The following ECD variants were observed in gnomAD, a reference collection of about 807,000 sequenced individuals.
ECD encodes the protein ecdysoneless cell cycle regulator.
In ECD, 59 loss-of-function variants were observed where a neutral mutation model predicts 77.2. The ratio of observed to expected loss-of-function variants is 0.76; its 90% CI spans 0.62 to 0.95. ECD has a LOEUF of 0.95. Among genes scored for constraint, ECD ranks in the 40% least tolerant of loss-of-function variants. The pLI is 0.00. For missense variants in ECD, 704 were observed against 763.4 expected (o/e 0.92, Z 0.92); for synonymous variants, 233 against 267.4 (o/e 0.87, Z 1.26).
chr10:73,143,832 C>CTTTTT (rs541608935), intron 9 of ECD, among the ~76,000 whole-genome samples: 73 of 106,742 alleles, frequency 6.8e-4, no homozygotes, highest in African/African-American at 7.3e-4. Flanking sequence ...TTATAACTTG[C>CTTTTT]TTTTTTTTTT....
intron 9 of ECD, among the ~76,000 whole-genome samples, chr10:73,144,420 G>A (rs1391882350): frequency 1.3e-5 from 2 of 152,036 alleles, no homozygotes; most frequent in Non-Finnish European, 2.9e-5. Flanking sequence ...AACCCAGGAG[G>A]TCAAGATTGC....
intron 5 of ECD, among the ~76,000 whole-genome samples, chr10:73,154,706 G>A (rs915843204): frequency 4.6e-5 from 7 of 152,008 alleles, no homozygotes; most frequent in East Asian, 1.9e-4. Flanking sequence ...AGGCTGAGGC[G>A]GGTGGATCAC....
chr10:73,156,092 A>T (rs556552440), intron 5 of ECD, among the ~76,000 whole-genome samples, 183 bp downstream of exon 5: 82 of 152,296 alleles, frequency 5.4e-4, no homozygotes, highest in Admixed American at 5.2e-4. Context: ...AGTCTATTTC[A>T]TAAAGAGGAA....
chr10:73,167,336 T>C (rs2133281431), intron 1 of ECD, among the ~76,000 whole-genome samples: 1 of 152,330 alleles, frequency 6.6e-6, no homozygotes, highest in African/African-American at 2.4e-5. Flanking sequence ...CTGTGAAGAA[T>C]GTCACTGGTA....
chr10:73,135,153 A>C (rs1349647894), intron 13 of ECD, among the ~76,000 whole-genome samples: 1 of 152,212 alleles, frequency 6.6e-6, no homozygotes, highest in Non-Finnish European at 1.5e-5. Context: ...ACAAACATAA[A>C]AGTGAATATT....
intron 6 of ECD, among the ~76,000 whole-genome samples, chr10:73,152,845 G>T (rs904808696): frequency 6.6e-6 from 1 of 151,478 alleles, no homozygotes; most frequent in Non-Finnish European, 1.5e-5. Context: ...CCGGGAGGTG[G>T]AGGAAGTTGC....
At chr10:73,156,475 T>C (rs1302197811) in intron 4 of ECD, 22 bp from the exon 5 acceptor site, 4 of 1,608,838 alleles carry the variant, frequency 2.5e-6, no homozygotes, top group Non-Finnish European at 8.5e-7. Context: ...ACATTTCAAT[T>C]TTCACAGTGG....
intron 2 of ECD, among the ~76,000 whole-genome samples, chr10:73,161,448 T>C (rs536917518): frequency 1.3e-5 from 2 of 152,160 alleles, no homozygotes; most frequent in Admixed American, 1.3e-4. Flanking sequence ...GTAAGTTGGA[T>C]AACCTATAAG....
chr10:73,150,131 A>C (rs1843183849), intron 7 of ECD, among the ~76,000 whole-genome samples: 2 of 152,232 alleles, frequency 1.3e-5, no homozygotes, highest in African/African-American at 4.8e-5. Flanking sequence ...CTATACTGCA[A>C]GGCTACAGTA....
chr10:73,149,338 A>AT (rs1843171112), intron 7 of ECD, among the ~76,000 whole-genome samples: 1 of 144,750 alleles, frequency 6.9e-6, no homozygotes, highest in Non-Finnish European at 1.5e-5. Context: ...GTTTGACTTA[A>AT]CATTTTTTGA....
In ECD at chr10:73,155,195, C is replaced by G. The variant is rs1392580827; in HGVS notation, c.591-747G>C. 3.3e-5 allele frequency among the ~76,000 whole-genome samples: 5 copies of G among 151,840 alleles called. No individual in the cohort carries two copies. The East Asian group carries it at 7.9e-4, about 24-fold the overall frequency. On this transcript the variant is annotated intron_variant, in intron 5 of 13. Coordinates refer to ENST00000372979, the MANE Select transcript of ECD (RefSeq NM_007265.3). ...ATTTTCCTGCGCTCAGTCTCCCAAG[C>G]AGCTGGGACTACAGGGGCCTGCCAC...
chr10:73,149,523 T>C (rs1034815323), intron 7 of ECD, among the ~76,000 whole-genome samples: 8 of 152,214 alleles, frequency 5.3e-5, no homozygotes, highest in Non-Finnish European at 1.0e-4. Context: ...CTCTATAGTA[T>C]ACTGTATTCA....
chr10:73,138,550 A>G (rs552809899), intron 11 of ECD, among the ~76,000 whole-genome samples: 1 of 152,182 alleles, frequency 6.6e-6, no homozygotes, highest in East Asian at 1.9e-4. Context: ...TATTTGATAC[A>G]CAAGTAACAG....
chr10:73,164,028 G>C lies in ECD; in HGVS notation c.-13-78C>G, dbSNP rs191886983. 14 of 1,298,622 alleles carry C rather than the reference G, an allele frequency of 1.1e-5. No homozygotes were observed. In the Admixed American group the frequency reaches 2.7e-4, roughly 25 times the overall value. The allele number at this position is 1,298,622 out of a possible 1,614,324, so 80.4% of individuals were successfully genotyped here. On this transcript the variant is annotated intron_variant, in intron 1 of 13. Coordinates refer to ENST00000372979, the MANE Select transcript of ECD (RefSeq NM_007265.3). ...TCTGAACTCTTTTAGATGGTTCTAT[G>C]AACACTGTTTTCTAAAATTTAGTTA...
intron 3 of ECD, among the ~76,000 whole-genome samples, chr10:73,159,396 T>C (rs950125893): frequency 1.3e-5 from 2 of 152,252 alleles, no homozygotes; most frequent in African/African-American, 4.8e-5. Context: ...AGTACAGGAA[T>C]ACATATTTAA....
In ECD at chr10:73,139,681, A is replaced by G. The variant is rs748249410; in HGVS notation, c.1184T>C (p.Phe395Ser). ...TTCTTTCTTAAGGTCTTCTATATCA[A>G]ATGGTATTGTCTGTAATAAGGTTAA... is the stretch of plus-strand genomic sequence containing the variant. ...EILTLLQTIP[F>S]DIEDLKKEAA... Residue 395 changes from phenylalanine (F) to serine (S), a missense_variant, in exon 10 of 14, where the codon TTT becomes TCT. Phe to Ser is a radical substitution (Grantham distance 155). Transcript: ENST00000372979. The G allele has an allele frequency of 1.2e-6, 2 of 1,612,378 alleles. No homozygotes were observed. The highest frequency in any genetic ancestry group is 2.2e-5 in the East Asian group (1 of 44,860).
chr10:73,160,429 A>T lies in ECD; in HGVS notation c.323+5T>A. On this transcript the variant is annotated splice_donor_5th_base_variant and intron_variant, in intron 3 of 13. Coordinates refer to ENST00000372979, the MANE Select transcript of ECD (RefSeq NM_007265.3). ...CCTTTAGAATAATTAAAATAACTAC[A>T]ATACCTTGCTACTAACTCTGGAAAT... The T allele has an allele frequency of 6.4e-7, 1 of 1,566,296 alleles. No individual in the cohort carries two copies. The highest frequency in any genetic ancestry group is 1.2e-5 in the South Asian group (1 of 84,218).
intron 3 of ECD, 88 bp from the exon 4 acceptor site, chr10:73,156,743 T>G (rs1039577331): frequency 3.2e-6 from 4 of 1,256,396 alleles, no homozygotes. Context: ...ATTTTCCTCT[T>G]CATCTTAGTA....
chr10:73,136,880 C>G lies in ECD; in HGVS notation c.1528G>C (p.Asp510His). 1 of 1,613,882 alleles carries G rather than the reference C, an allele frequency of 6.2e-7. No homozygotes were observed. The change falls in exon 13 of 14, where the codon GAT (aspartate) becomes CAT (histidine). Residue 510 changes from aspartate (D) to histidine (H), a missense_variant. By Grantham distance (81) the Asp-to-His change is moderately conservative. Coordinates refer to ENST00000372979, the MANE Select transcript of ECD (RefSeq NM_007265.3). ...PNESDSDDLDDEDFECLDSDD... is the reference protein window; with the variant it reads ...PNESDSDDLDHEDFECLDSDD... ...CTATCTAAACATTCAAAGTCTTCAT[C>G]ATCCAGATCATCAGAATCTGACTCA...
Sources: allele counts gnomAD v4.1 joint callset (sites outside exome capture counted in the v4.1 genomes callset), GRCh38; gene constraint gnomAD v4.1.1; transcripts MANE v1.5; gene names NCBI Gene and HGNC (gene_info 2026-07-23, HGNC 2026-07-21).